The following ARMH3 variants were observed in gnomAD, a reference collection of about 807,000 sequenced individuals.
ARMH3 encodes the protein armadillo-like helical domain-containing protein 3.
A neutral mutation model predicts 99.1 loss-of-function variants in ARMH3; 60 were observed. That is an observed-to-expected ratio of 0.61 (90% confidence interval 0.49 to 0.75). ARMH3 has a LOEUF of 0.75. ARMH3 is among the 30% of genes least tolerant of loss of function. ARMH3 has a pLI of 0.00. For synonymous variants in ARMH3, 285 were observed against 292.8 expected, an observed-to-expected ratio of 0.97 and a Z score of 0.27; for missense variants, 679 against 843.1, an observed-to-expected ratio of 0.81 and a Z score of 2.41.
At chr10:101,863,347 A>C (rs2066917321) in intron 24 of ARMH3, among the ~76,000 whole-genome samples, 1 of 152,240 alleles carries the variant, frequency 6.6e-6, no homozygotes, top group African/African-American at 2.4e-5. Flanking sequence ...CATTATGAAG[A>C]CGTAACAAAC....
intron 23 of ARMH3, among the ~76,000 whole-genome samples, chr10:101,933,317 T>C (rs1430590925): frequency 1.3e-5 from 2 of 152,238 alleles, no homozygotes; most frequent in Non-Finnish European, 2.9e-5. Flanking sequence ...GGGGTTTAGA[T>C]GCTAAAGTCA....
At chr10:101,941,471 A>G (rs1168715328) in intron 22 of ARMH3, among the ~76,000 whole-genome samples, 1 of 152,176 alleles carries the variant, frequency 6.6e-6, no homozygotes, top group East Asian at 1.9e-4. Context: ...TACCATCACT[A>G]TGTACGCCTG....
intron 23 of ARMH3, chr10:101,913,357 C>T (rs1295951633): frequency 8.5e-6 from 1 of 117,818 alleles, no homozygotes; most frequent in Non-Finnish European, 1.8e-5. Flanking sequence ...CTCTCTCTCT[C>T]TCTCTTTTTT....
In ARMH3 at chr10:102,034,567, C is replaced by T. The variant is rs372429913; in HGVS notation, c.103-1228G>A. On this transcript the variant is annotated intron_variant, in intron 2 of 25. Coordinates refer to ENST00000370033, the MANE Select transcript of ARMH3 (RefSeq NM_024541.3). ...AGGAGAATGGCGTGAACCTGGGAGG[C>T]GGAGCTTGCAGTGAGCCGAGATCAC... is the stretch of plus-strand genomic sequence containing the variant. 1.8e-4 allele frequency among the ~76,000 whole-genome samples: 26 copies of T among 148,536 alleles called. No homozygotes were observed. The East Asian group carries it at 4.8e-3, about 27-fold the overall frequency.
rs143191357 is a variant in ARMH3 at position 102,041,164 on chromosome 10, A to G, written c.-11-1039T>C. Reference sequence around the variant, plus strand: ...ACTCCAAGGTATTTTTCAATTCTATATAAAAGTAGTTTCATGAATCATGGC... The same window carrying G: ...ACTCCAAGGTATTTTTCAATTCTATGTAAAAGTAGTTTCATGAATCATGGC... On this transcript the variant is annotated intron_variant, in intron 1 of 25. Transcript: ENST00000370033. 7.5e-4 allele frequency among the ~76,000 whole-genome samples: 112 copies of G among 148,828 alleles called. No homozygotes were observed. In the East Asian group the frequency reaches 0.017, roughly 23 times the overall value.
chr10:101,990,907 G>A (rs1846760948), intron 18 of ARMH3, among the ~76,000 whole-genome samples: 1 of 152,110 alleles, frequency 6.6e-6, no homozygotes, highest in Admixed American at 6.6e-5. Flanking sequence ...TTCATCCCAT[G>A]GCATTAATGC....
At chr10:102,022,285 C>A (rs1397853745) in intron 8 of ARMH3, among the ~76,000 whole-genome samples, 1 of 151,384 alleles carries the variant, frequency 6.6e-6, no homozygotes, top group Non-Finnish European at 1.5e-5. Context: ...CAATCCTGGG[C>A]TAATCATCAT....
At chr10:101,915,139 C>G (rs1843025987) in intron 23 of ARMH3, among the ~76,000 whole-genome samples, 1 of 151,954 alleles carries the variant, frequency 6.6e-6, no homozygotes, top group African/African-American at 2.4e-5. Flanking sequence ...TCTAGTATAT[C>G]TGCATTATTT....
At chr10:101,935,739 T>C (rs775790412) in intron 23 of ARMH3, among the ~76,000 whole-genome samples, 1 of 152,058 alleles carries the variant, frequency 6.6e-6, no homozygotes, top group Admixed American at 6.6e-5. Flanking sequence ...TGGCTAAGAG[T>C]TTGTTCACTC....
At chr10:102,008,246 C>A (rs1280618071) in intron 13 of ARMH3, among the ~76,000 whole-genome samples, 1 of 152,134 alleles carries the variant, frequency 6.6e-6, no homozygotes, top group Admixed American at 6.5e-5. Flanking sequence ...TTAAGCATGA[C>A]CTTATTTTTG....
At chr10:101,957,823 G>A (rs1845109856) in intron 20 of ARMH3, 91 bp from the exon 21 acceptor site, 2 of 1,466,292 alleles carry the variant, frequency 1.4e-6, no homozygotes, top group Admixed American at 2.7e-5. Context: ...AAAAAATCCA[G>A]AAGGTTAGAG....
intron 24 of ARMH3, among the ~76,000 whole-genome samples, chr10:101,877,670 A>AT (rs1554852613): frequency 8.0e-4 from 121 of 151,476 alleles, no homozygotes; most frequent in African/African-American, 2.2e-3. Flanking sequence ...AAAAAAAAAA[A>AT]TTTTTTTAAA....
chr10:102,007,337 A>C (rs984519610), intron 13 of ARMH3, among the ~76,000 whole-genome samples: 1 of 99,770 alleles, frequency 1.0e-5, no homozygotes, highest in Non-Finnish European at 2.3e-5. Flanking sequence ...ACAGACATTT[A>C]AAAAAAAAAA....
At chr10:101,985,189 T>TAC in intron 19 of ARMH3, among the ~76,000 whole-genome samples, 1 of 147,252 alleles carries the variant, frequency 6.8e-6, no homozygotes, top group Non-Finnish European at 1.5e-5. Flanking sequence ...TGAATATATA[T>TAC]GTGTGTATAT....
In ARMH3 at chr10:101,955,903, T is replaced by C. The variant is rs1041069973; in HGVS notation, c.1705+694A>G. ...TTTGTATAATTAAAATGTGTGCAGT[T>C]TATATGTCAATTATACTTCAATAAA... On this transcript the variant is annotated intron_variant, in intron 22 of 25. Transcript: ENST00000370033. 5.9e-5 allele frequency among the ~76,000 whole-genome samples: 9 copies of C among 152,220 alleles called. No individual in the cohort carries two copies. The South Asian group carries it at 1.9e-3, about 31-fold the overall frequency.
chr10:102,050,176 C>T lies in ARMH3; in HGVS notation c.-12+5909G>A, dbSNP rs185888991. ...AAAAAAATAGAGCCAGGCGCTGTGG[C>T]TCATGCCTGTAATCCCAACACTTTG... On this transcript the variant is annotated intron_variant, in intron 1 of 25. Coordinates refer to ENST00000370033, the MANE Select transcript of ARMH3 (RefSeq NM_024541.3). 1.1e-3 allele frequency among the ~76,000 whole-genome samples: 161 copies of T among 151,482 alleles called. 1 individual carries two copies. The highest frequency in any genetic ancestry group is 1.6e-3 in the Non-Finnish European group (107 of 67,926).
In ARMH3 at chr10:102,055,325, A is replaced by ATAAG. The variant is rs1172677958; in HGVS notation, c.-12+759_-12+760insCTTA. Among the ~76,000 whole-genome samples, 6 of 151,954 alleles carry ATAAG rather than the reference A, an allele frequency of 3.9e-5. No individual in the cohort carries two copies. In the East Asian group the frequency reaches 9.7e-4, roughly 24 times the overall value. ...AATAAATAAATAAATAAATAAATAA[A>ATAAG]TAAAATAAAATAAAAAACTTTCTGG... On this transcript the variant is annotated intron_variant, in intron 1 of 25. Transcript: ENST00000370033.
intron 2 of ARMH3, among the ~76,000 whole-genome samples, chr10:102,036,167 G>A (rs1415718806): frequency 1.7e-4 from 23 of 134,650 alleles, no homozygotes; most frequent in African/African-American, 5.7e-4. Context: ...GAGGTGGGGG[G>A]TCAGCCCCCG....
chr10:102,025,581 A>T (rs1590201678), intron 5 of ARMH3, among the ~76,000 whole-genome samples: 4 of 152,194 alleles, frequency 2.6e-5, no homozygotes, highest in African/African-American at 9.7e-5. Context: ...TTTAGATTAC[A>T]AGGAAGCAAA....
Sources: gnomAD v4.1 joint callset for allele counts (sites outside exome capture counted in the v4.1 genomes callset) on GRCh38, gnomAD v4.1.1 for gene constraint, MANE v1.5 for transcripts, NCBI Gene and HGNC (gene_info 2026-07-23, HGNC 2026-07-21) for gene names.